Variants in DMD observed in about 807,000 individuals in gnomAD.
DMD encodes dystrophin.
Under a neutral mutation model 330.1 loss-of-function variants are expected in DMD, and 63 were observed. The observed-to-expected ratio is 0.19, with a 90% CI of 0.16 to 0.24. The LOEUF (loss-of-function observed/expected upper bound fraction) is 0.24, where lower values mean the gene tolerates loss of function less well. Ranked by LOEUF, DMD falls within the 10% of genes least tolerant of loss-of-function variation. The pLI is 1.00. For missense variants in DMD, 3,344 were observed against 2,684.1 expected, an observed-to-expected ratio of 1.25 and a Z score of -5.43; for synonymous variants, 1,223 against 959.8, an observed-to-expected ratio of 1.27 and a Z score of -5.07.
At chrX:32,863,569 CACACAA>C (rs1241867311) in intron 2 of DMD, among the ~76,000 whole-genome samples, 3 of 94,042 alleles carry the variant, frequency 3.2e-5, no homozygotes, top group Non-Finnish European at 4.3e-5. Flanking sequence ...CACACACACA[CACACAA>C]ATACACACAT....
chrX:32,100,419 A>T (rs2096534333), intron 44 of DMD, among the ~76,000 whole-genome samples: 1 of 107,991 alleles, frequency 9.3e-6, no homozygotes, highest in Non-Finnish European at 1.9e-5. Context: ...GCTACTACGG[A>T]AAATGTAAAT....
intron 41 of DMD, among the ~76,000 whole-genome samples, chrX:32,316,183 T>A (rs930378445): frequency 9.0e-6 from 1 of 111,413 alleles, no homozygotes; most frequent in Admixed American, 9.6e-5. Context: ...ATGAACACAT[T>A]TTCTAGAACA....
intron 7 of DMD, among the ~76,000 whole-genome samples, chrX:32,780,161 G>T (rs1056251127): frequency 3.6e-5 from 4 of 111,438 alleles, no homozygotes; most frequent in Non-Finnish European, 7.5e-5. Flanking sequence ...GTTTCTAATT[G>T]TAACAGTCAA....
chrX:31,314,131 G>A (rs1467588705), intron 62 of DMD, among the ~76,000 whole-genome samples: 7 of 111,980 alleles, frequency 6.3e-5, no homozygotes, highest in Admixed American at 1.9e-4. Context: ...CACCACGCCC[G>A]ACTGATAGCC....
intron 2 of DMD, among the ~76,000 whole-genome samples, chrX:33,001,776 A>G (rs2093284994): frequency 9.0e-6 from 1 of 111,721 alleles, no homozygotes; most frequent in Non-Finnish European, 1.9e-5. Flanking sequence ...CTTTGGCTAG[A>G]CAGTTTCAGT....
chrX:32,663,172 C>G (rs925622895), intron 9 of DMD, among the ~76,000 whole-genome samples: 1 of 111,505 alleles, frequency 9.0e-6, no homozygotes, highest in Admixed American at 9.5e-5. Context: ...CCAATGCATT[C>G]GATGCCATCA....
intron 55 of DMD, among the ~76,000 whole-genome samples, chrX:31,595,330 A>C (rs745816651): frequency 1.8e-3 from 196 of 111,225 alleles, no homozygotes; most frequent in African/African-American, 6.0e-3. Context: ...AGATGGATTA[A>C]GCACCATTCT....
At chrX:31,909,030 T>C (rs2094513925) in intron 47 of DMD, among the ~76,000 whole-genome samples, 1 of 112,569 alleles carries the variant, frequency 8.9e-6, no homozygotes, top group Admixed American at 9.4e-5. Flanking sequence ...CCTGCCTACA[T>C]TTGGAAAGTA....
At chrX:31,661,359 C>CTT (rs11385193) in intron 53 of DMD, among the ~76,000 whole-genome samples, 4 of 103,058 alleles carry the variant, frequency 3.9e-5, no homozygotes, top group African/African-American at 1.4e-4. Flanking sequence ...CAAAGGTAGC[C>CTT]TTTTTTTTTT....
chrX:31,440,372 C>A (rs886249803), intron 60 of DMD, among the ~76,000 whole-genome samples: 1 of 111,280 alleles, frequency 9.0e-6, no homozygotes, highest in African/African-American at 3.3e-5. Context: ...CGGTCTTGAA[C>A]TCCTGATCTC....
At chrX:33,260,654 T>G (rs2052939018) in intron 1 of DMD, among the ~76,000 whole-genome samples, 1 of 111,928 alleles carries the variant, frequency 8.9e-6, no homozygotes, top group African/African-American at 3.2e-5. Context: ...TTAAAAAGTA[T>G]TTTGTATCAG....
At chrX:32,150,233 G>C (rs1422440260) in intron 44 of DMD, among the ~76,000 whole-genome samples, 1 of 112,236 alleles carries the variant, frequency 8.9e-6, no homozygotes, top group Admixed American at 9.5e-5. Flanking sequence ...AACGTGGAAA[G>C]TTATGAGGAT....
intron 12 of DMD, among the ~76,000 whole-genome samples, chrX:32,597,681 A>T (rs2055720610): frequency 8.9e-6 from 1 of 111,914 alleles, no homozygotes; most frequent in African/African-American, 3.3e-5. Flanking sequence ...CAATCTTTTT[A>T]AAAACATGAT....
At chrX:31,317,793 G>A (rs957228349) in intron 62 of DMD, among the ~76,000 whole-genome samples, 13 of 111,671 alleles carry the variant, frequency 1.2e-4, no homozygotes, top group African/African-American at 3.6e-4. Flanking sequence ...TTACAGGCGT[G>A]AGCCACCGCA....
chrX:31,863,603 C>A (rs2093748654), intron 48 of DMD, among the ~76,000 whole-genome samples: 1 of 111,753 alleles, frequency 8.9e-6, no homozygotes, highest in Non-Finnish European at 1.9e-5. Flanking sequence ...ATAATAGATT[C>A]ATTTTCAATA....
intron 62 of DMD, among the ~76,000 whole-genome samples, chrX:31,313,585 T>C (rs1416112610): frequency 8.9e-6 from 1 of 111,812 alleles, no homozygotes; most frequent in African/African-American, 3.3e-5. Flanking sequence ...AGGGATGTAT[T>C]GCATAGTGGT....
intron 50 of DMD, among the ~76,000 whole-genome samples, chrX:31,787,389 G>T (rs971140503): frequency 2.7e-5 from 3 of 111,909 alleles, no homozygotes; most frequent in African/African-American, 9.7e-5. Flanking sequence ...TAAATAAAAA[G>T]TTAATTATTT....
intron 1 of DMD, among the ~76,000 whole-genome samples, chrX:33,303,465 G>C (rs973003166): frequency 9.0e-6 from 1 of 110,760 alleles, no homozygotes; most frequent in African/African-American, 3.3e-5. Flanking sequence ...ACAAATCCTG[G>C]GTAATAGGAA....
chrX:33,009,951 T>C (rs1488553969), intron 2 of DMD, among the ~76,000 whole-genome samples: 1 of 80,662 alleles, frequency 1.2e-5, no homozygotes, highest in Admixed American at 1.3e-4. Context: ...TACACGTGTG[T>C]ATGTGTATAT....
Sources: allele counts gnomAD v4.1 joint callset (sites outside exome capture counted in the v4.1 genomes callset), GRCh38; gene constraint gnomAD v4.1.1; transcripts MANE v1.5; gene names NCBI Gene and HGNC (gene_info 2026-07-23, HGNC 2026-07-21).